Variants in IL3RA observed in about 807,000 individuals in gnomAD.
IL3RA encodes interleukin-3 receptor subunit alpha.
In IL3RA, 73 loss-of-function variants were observed where a neutral mutation model predicts 52.3. The ratio of observed to expected loss-of-function variants is 1.40; its 90% CI spans 1.16 to 1.70. IL3RA has a LOEUF of 1.70. IL3RA is among the 40% of genes most tolerant of loss of function. IL3RA has a pLI of 0.00. For missense variants in IL3RA, 664 were observed against 504.4 expected (o/e 1.32, Z -3.03); for synonymous variants, 260 against 194.0 (o/e 1.34, Z -2.83).
intron 9 of IL3RA, among the ~76,000 whole-genome samples, chrX:1,366,593 C>A (rs865788871): frequency 2.4e-3 from 71 of 29,556 alleles, no homozygotes; most frequent in African/African-American, 0.01. Flanking sequence ...GAGCGGGGTG[C>A]GCGGTGCGCG....
chrX:1,351,970 G>T, intron 4 of IL3RA, 130 bp from the exon 5 acceptor site: 1 of 1,128,086 alleles, frequency 8.9e-7, no homozygotes, highest in South Asian at 1.6e-5. Flanking sequence ...TCTCCATGTT[G>T]GCCAGGCTGG....
At chrX:1,363,502 G>GTCTTAGCCGGGA (rs1352187497) in intron 8 of IL3RA, among the ~76,000 whole-genome samples, 1 of 150,952 alleles carries the variant, frequency 6.6e-6, no homozygotes, top group African/African-American at 2.4e-5. Context: ...GGGTTTCACT[G>GTCTTAGCCGGGA]TGGTCTCGAT....
intron 3 of IL3RA, among the ~76,000 whole-genome samples, chrX:1,347,414 C>T (rs1411830259): frequency 6.6e-6 from 1 of 151,220 alleles, no homozygotes; most frequent in African/African-American, 2.5e-5. Context: ...CACTGCACTC[C>T]AGCCTGGGCG....
chrX:1,338,348 C>G (rs1384075728), intron 1 of IL3RA, among the ~76,000 whole-genome samples: 1 of 149,810 alleles, frequency 6.7e-6, no homozygotes, highest in African/African-American at 2.5e-5. Context: ...GAGGTGGAGA[C>G]AGCCCTCATA....
At chrX:1,349,532 A>C (rs1323426011) in intron 4 of IL3RA, among the ~76,000 whole-genome samples, 7 of 152,010 alleles carry the variant, frequency 4.6e-5, no homozygotes, top group African/African-American at 1.7e-4. Flanking sequence ...AGCTGGTCTC[A>C]AACTCCTAGG....
rs757528125 is a variant in IL3RA, at chrX:1,347,423, C to T, written c.184-1008C>T. ...TCGCGCCACTGCACTCCAGCCTGGG[C>T]GACAGAGCGAGACTCTGTCTCAAAA... is the stretch of plus-strand genomic sequence containing the variant. On this transcript the variant is annotated intron_variant, in intron 3 of 11. Coordinates refer to ENST00000331035, the MANE Select transcript of IL3RA (RefSeq NM_002183.4). Among the ~76,000 whole-genome samples the T allele has an allele frequency of 9.6e-4, 142 of 148,266 alleles. 9 individuals carry two copies. Among genetic ancestry groups the T allele is most frequent in the African/African-American group, 3.2e-3 (123 of 38,028 alleles).
chrX:1,361,202 C>CCTCT (rs368107342), intron 8 of IL3RA, among the ~76,000 whole-genome samples: 71,793 of 103,064 alleles, frequency 0.7, 27,588 homozygotes, highest in African/African-American at 0.79. Context: ...TCTCCATTCC[C>CCTCT]CTGTCTCTAT....
intron 8 of IL3RA, among the ~76,000 whole-genome samples, chrX:1,360,929 GTCTCTCTCTCCCTTCCCCTCTGTC>G (rs1569524778): frequency 9.9e-5 from 3 of 30,396 alleles, no homozygotes; most frequent in African/African-American, 2.3e-4. Flanking sequence ...TCCCCTCTCT[GTCTCTCTCTCCCTTCCCCTCTGTC>G]TCTCTCTCCC....
chrX:1,343,834 T>C (rs1320094966), intron 2 of IL3RA, among the ~76,000 whole-genome samples: 8 of 148,570 alleles, frequency 5.4e-5, no homozygotes, highest in East Asian at 2.0e-4. Context: ...CTCGCTCTGT[T>C]ACCCAGGCTG....
At position 1,378,766 on chromosome X, in the gene IL3RA, T is replaced by C; in HGVS notation, c.980+2T>C. 1 of 1,612,116 alleles carries C rather than the reference T, an allele frequency of 6.2e-7. No homozygotes were observed. The highest frequency in any genetic ancestry group is 1.3e-5 in the African/African-American group (1 of 75,022). On this transcript the variant is annotated splice_donor_variant, in intron 10 of 11. Coordinates refer to ENST00000331035, the MANE Select transcript of IL3RA (RefSeq NM_002183.4). LOFTEE classifies it high-confidence loss of function. Reference sequence around the variant, plus strand: ...CTGTGTCTTCGTGATCTGCAGAAGGTGAGCCCTCGAGGGCGTCCGCGAGCG... The same window carrying C: ...CTGTGTCTTCGTGATCTGCAGAAGGCGAGCCCTCGAGGGCGTCCGCGAGCG...
At chrX:1,341,377 G>C (rs1343172783) in intron 1 of IL3RA, among the ~76,000 whole-genome samples, 2 of 33,446 alleles carry the variant, frequency 6.0e-5, no homozygotes, top group Non-Finnish European at 1.9e-4. Context: ...GTACACACGT[G>C]CAAGCACACA....
rs755185260 is a variant in IL3RA, at chrX:1,357,247, C to A, written c.732+911C>A. ...GGGATTACAGGTGTGAGCCTTCGTG[C>A]GCAGCCTATGTGTTATATTTAGTTT... On this transcript the variant is annotated intron_variant, in intron 7 of 11. Transcript: ENST00000331035. 5.3e-5 allele frequency among the ~76,000 whole-genome samples: 8 copies of A among 152,058 alleles called. No individual in the cohort carries two copies. In the East Asian group the frequency reaches 1.5e-3, roughly 29 times the overall value.
chrX:1,348,416 C>CT lies in IL3RA; in HGVS notation c.184-14dup, dbSNP rs777690600. ...TGGTCTGTCAGCAGCCATCATAGTC[C>CT]TATGTCTCTCTTAGGCAGTGAACAA... On this transcript the variant is annotated splice_polypyrimidine_tract_variant and intron_variant, in intron 3 of 11. Transcript: ENST00000331035. The CT allele has an allele frequency of 6.3e-7, 1 of 1,579,656 alleles. No individual in the cohort carries two copies. The highest frequency in any genetic ancestry group is 1.1e-5 in the South Asian group (1 of 90,352).
rs2086108385 is a variant in IL3RA, at chrX:1,352,016, C to T, written c.299-84C>T. The T allele has an allele frequency of 9.2e-6, 14 of 1,529,086 alleles. No individual in the cohort carries two copies. In the Admixed American group the frequency reaches 1.2e-4, roughly 13 times the overall value. 94.7% of individuals were successfully genotyped at this position (1,529,086 alleles called of 1,614,324 possible). ...CTGACCTCATGTGATCCACCCGCCTCGGCCTCCCAAAATGCTGGGGTGACA... is the reference window on the plus strand; with the variant it reads ...CTGACCTCATGTGATCCACCCGCCTTGGCCTCCCAAAATGCTGGGGTGACA... On this transcript the variant is annotated intron_variant, in intron 4 of 11. Coordinates refer to ENST00000331035, the MANE Select transcript of IL3RA (RefSeq NM_002183.4).
At chrX:1,360,941 C>G (rs2087243565) in intron 8 of IL3RA, among the ~76,000 whole-genome samples, 1 of 95,534 alleles carries the variant, frequency 1.0e-5, no homozygotes, top group Non-Finnish European at 2.0e-5. Flanking sequence ...CTCTCTCTCC[C>G]TTCCCCTCTG....
chrX:1,354,231 A>G (rs1250815746), intron 6 of IL3RA, among the ~76,000 whole-genome samples: 3 of 152,162 alleles, frequency 2.0e-5, no homozygotes, highest in Middle Eastern at 3.4e-3. Context: ...GTCACCTCCC[A>G]AAGACCCCAC....
At chrX:1,361,197 A>ATTCCCCTG (rs2087313369) in intron 8 of IL3RA, among the ~76,000 whole-genome samples, 1 of 48,058 alleles carries the variant, frequency 2.1e-5, no homozygotes, top group Non-Finnish European at 4.1e-5. Flanking sequence ...CTCTCTCTCC[A>ATTCCCCTG]TTCCCCTGTC....
intron 8 of IL3RA, among the ~76,000 whole-genome samples, chrX:1,361,119 CTCTCTCTCCCTTCCCCTCTCTG>C (rs2087290424): frequency 7.3e-6 from 1 of 137,822 alleles, no homozygotes. Flanking sequence ...CCCTCTCTGT[CTCTCTCTCCCTTCCCCTCTCTG>C]TCTCTCTCTC....
intron 7 of IL3RA, among the ~76,000 whole-genome samples, chrX:1,358,007 A>T (rs1219772166): frequency 5.9e-5 from 9 of 151,604 alleles, no homozygotes; most frequent in Non-Finnish European, 8.8e-5. Flanking sequence ...TGGGAGGCTG[A>T]GGCAGGAGAA....
Sources: allele counts gnomAD v4.1 joint callset (sites outside exome capture counted in the v4.1 genomes callset), GRCh38; gene constraint gnomAD v4.1.1; transcripts MANE v1.5; gene names NCBI Gene and HGNC (gene_info 2026-07-23, HGNC 2026-07-21).